The following DOCK5 variants were observed in gnomAD, a reference collection of about 807,000 sequenced individuals.
DOCK5 encodes the protein dedicator of cytokinesis protein 5.
In DOCK5, 142 loss-of-function variants were observed where a neutral mutation model predicts 251.8. The observed-to-expected ratio is 0.56, with a 90% CI of 0.49 to 0.65. The LOEUF is 0.65. DOCK5 is among the 30% of genes least tolerant of loss of function. The pLI is 0.00. For missense variants in DOCK5, 2,111 were observed against 2,312.3 expected (o/e 0.91, Z 1.79); for synonymous variants, 842 against 835.5 (o/e 1.01, Z -0.13).
intron 51 of DOCK5, among the ~76,000 whole-genome samples, chr8:25,410,978 C>CGT (rs1563236164): frequency 9.8e-6 from 1 of 101,934 alleles, no homozygotes; most frequent in African/African-American, 4.1e-5. Flanking sequence ...TGTGTGCGCG[C>CGT]GCGCGCACGC....
intron 27 of DOCK5, 26 bp downstream of exon 27, chr8:25,351,852 C>A (rs192639172): frequency 1.9e-6 from 3 of 1,597,422 alleles, no homozygotes; most frequent in African/African-American, 1.3e-5. Context: ...TTGGATCCCA[C>A]GGCCGCTGCT....
intron 44 of DOCK5, 104 bp from the exon 45 acceptor site, chr8:25,395,439 G>A: frequency 7.9e-7 from 1 of 1,259,982 alleles, no homozygotes; most frequent in East Asian, 2.4e-5. Context: ...CTTTTCTATA[G>A]CTTGTGGGCA....
At chr8:25,218,887 G>A (rs1326875551) in intron 1 of DOCK5, among the ~76,000 whole-genome samples, 1 of 152,136 alleles carries the variant, frequency 6.6e-6, no homozygotes, top group Non-Finnish European at 1.5e-5. Context: ...AATAATGCAT[G>A]CATATACTTT....
chr8:25,352,105 C>CAGG (rs1800480083), intron 27 of DOCK5, among the ~76,000 whole-genome samples: 1 of 151,346 alleles, frequency 6.6e-6, no homozygotes, highest in Non-Finnish European at 1.5e-5. Context: ...TGCAGCTACT[C>CAGG]AGGAGGCTAA....
intron 21 of DOCK5, among the ~76,000 whole-genome samples, chr8:25,335,361 C>T (rs1805779019): frequency 6.6e-6 from 1 of 152,124 alleles, no homozygotes; most frequent in Non-Finnish European, 1.5e-5. Context: ...TCTGGGTTTA[C>T]TTGCAAGACT....
chr8:25,345,436 G>A, intron 25 of DOCK5, 39 bp from the exon 26 acceptor site: 1 of 1,608,768 alleles, frequency 6.2e-7, no homozygotes, highest in Non-Finnish European at 8.5e-7. Flanking sequence ...TCAGGAGGTG[G>A]CACTGCTGTG....
In DOCK5 at chr8:25,304,318, C is replaced by G; in HGVS notation, c.1040C>G (p.Pro347Arg). The change falls in exon 11 of 52, where the codon CCC becomes CGC. Residue 347 changes from proline (P) to arginine (R), a missense_variant. This residue lies in a region of DOCK5 where 1,717 missense variants were observed against 1,892.4 expected (regional missense o/e 0.91). Coordinates refer to ENST00000276440, the MANE Select transcript of DOCK5 (RefSeq NM_024940.8). ...GATGAAGAAAAGCAGCATTTTATTC[C>G]CTTTCAGCAGTAAGTACTTTGGCAT... is the stretch of plus-strand genomic sequence containing the variant. ...VDDEEKQHFI[P>R]FQQIAMETYI... The G allele has an allele frequency of 6.2e-7, 1 of 1,608,046 alleles. No homozygotes were observed. Among genetic ancestry groups the G allele is most frequent in the Non-Finnish European group, 8.5e-7 (1 of 1,177,286 alleles).
intron 45 of DOCK5, 82 bp downstream of exon 45, chr8:25,395,801 A>G: frequency 7.0e-7 from 1 of 1,427,480 alleles, no homozygotes; most frequent in Non-Finnish European, 9.7e-7. Flanking sequence ...GCCACTGACA[A>G]ATTCATTTCC....
At chr8:25,356,190 C>T (rs1039362165) in intron 27 of DOCK5, among the ~76,000 whole-genome samples, 2 of 152,056 alleles carry the variant, frequency 1.3e-5, no homozygotes, top group African/African-American at 4.8e-5. Context: ...CAGAGCGAGA[C>T]TCCGTCTCGA....
At chr8:25,302,279 C>G (rs773100331) in intron 9 of DOCK5, 46 bp from the exon 10 acceptor site, 1 of 1,546,314 alleles carries the variant, frequency 6.5e-7, no homozygotes, top group Non-Finnish European at 8.7e-7. Context: ...ACAGGTGACA[C>G]AGTGGTCCAG....
chr8:25,302,685 C>T (rs1804796651), intron 10 of DOCK5, among the ~76,000 whole-genome samples: 1 of 152,190 alleles, frequency 6.6e-6, no homozygotes, highest in Admixed American at 6.5e-5. Context: ...CATAAATGGA[C>T]TAAGAAACTG....
At chr8:25,194,632 C>T (rs191248163) in intron 1 of DOCK5, among the ~76,000 whole-genome samples, 8 of 152,200 alleles carry the variant, frequency 5.3e-5, no homozygotes, top group African/African-American at 1.9e-4. Context: ...CCCTGTGCTT[C>T]GGGATCACAT....
intron 2 of DOCK5, among the ~76,000 whole-genome samples, chr8:25,250,966 AT>A (rs1803253481): frequency 6.6e-6 from 1 of 152,186 alleles, no homozygotes; most frequent in Non-Finnish European, 1.5e-5. Context: ...GAGTGATCAA[AT>A]GTAAGTGCTT....
At chr8:25,190,775 G>GTTTTTTTTTTT (rs755511798) in intron 1 of DOCK5, among the ~76,000 whole-genome samples, 1,180 of 53,874 alleles carry the variant, frequency 0.022, 334 homozygotes, top group Admixed American at 0.034. Context: ...CTTGGTCATG[G>GTTTTTTTTTTT]GTTTTTTTTT....
chr8:25,342,691 GT>G (rs1201632677), intron 25 of DOCK5, among the ~76,000 whole-genome samples, 184 bp downstream of exon 25: 995 of 72,060 alleles, frequency 0.014, no homozygotes, highest in Admixed American at 0.015. Context: ...GTTTTTTCTT[GT>G]TTTTTTTTTT....
In DOCK5 at chr8:25,412,415, A is replaced by G. The variant is rs529988077; in HGVS notation, c.*1117A>G. The G allele has an allele frequency of 6.6e-6, 1 of 152,322 alleles. No individual in the cohort carries two copies. The highest frequency in any genetic ancestry group is 1.9e-4 in the East Asian group (1 of 5,184). 9.4% of individuals were successfully genotyped at this position (152,322 alleles called of 1,614,324 possible). On this transcript the variant is annotated 3_prime_UTR_variant, in exon 52 of 52. Coordinates refer to ENST00000276440, the MANE Select transcript of DOCK5 (RefSeq NM_024940.8). ...GACGTTTGGACTTGAAGCCTCAAAG[A>G]TCAACCAACCAGTCCCCTTATTTAG...
Position 25,325,414 on chromosome 8 carries a change from A to G in DOCK5, c.1770A>G (p.Gly590=), listed in dbSNP as rs777395646. The change falls in exon 18 of 52, where the codon GGA becomes GGG. Residue 590 remains glycine (G), a synonymous_variant. Coordinates refer to ENST00000276440, the MANE Select transcript of DOCK5 (RefSeq NM_024940.8). ...CTAAATTCTACCTGACCCTGCCTGG[A>G]ACCAAGATGGAGATGGAAGAAAAAG... is the stretch of plus-strand genomic sequence containing the variant. ...EDAKFYLTLP[G]TKMEMEEKEL... 1.9e-6 allele frequency: 3 copies of G among 1,613,892 alleles called. No individual in the cohort carries two copies. In the African/African-American group the frequency reaches 4.0e-5, roughly 22 times the overall value.
intron 11 of DOCK5, among the ~76,000 whole-genome samples, chr8:25,306,114 C>T (rs912892983): frequency 5.3e-5 from 8 of 152,028 alleles, no homozygotes; most frequent in African/African-American, 1.7e-4. Flanking sequence ...CATTGCACTC[C>T]ATCCTGGGTG....
At chr8:25,334,040 T>G in intron 20 of DOCK5, 56 bp from the exon 21 acceptor site, 2 of 1,381,128 alleles carry the variant, frequency 1.4e-6, no homozygotes, top group Admixed American at 3.4e-5. Flanking sequence ...TGCGGCTTGT[T>G]GACAGAATAC....
Sources: gnomAD v4.1 joint callset for allele counts (sites outside exome capture counted in the v4.1 genomes callset) on GRCh38, gnomAD v4.1.1 for gene constraint, gnomAD v4.1.1 regional missense constraint, MANE v1.5 for transcripts, NCBI Gene and HGNC (gene_info 2026-07-23, HGNC 2026-07-21) for gene names.